Variants in PCSK5 observed in about 807,000 individuals in gnomAD.
PCSK5 encodes prohormone convertase 5.
In PCSK5, 129 loss-of-function variants were observed where a neutral mutation model predicts 233.2. That is an observed-to-expected ratio of 0.55 (90% CI 0.48 to 0.64). The LOEUF (loss-of-function observed/expected upper bound fraction) is 0.64. Ranked by LOEUF, PCSK5 falls within the 30% of genes least tolerant of loss-of-function variation. The pLI is 0.00. For missense variants in PCSK5, 2,076 were observed against 2,430.1 expected (o/e 0.85, Z 3.06); for synonymous variants, 825 against 879.2 (o/e 0.94, Z 1.09).
At chr9:75,994,486 G>A (rs563737899) in intron 3 of PCSK5, among the ~76,000 whole-genome samples, 7 of 128,984 alleles carry the variant, frequency 5.4e-5, no homozygotes, top group South Asian at 2.6e-4. Flanking sequence ...ATGCAGTGGC[G>A]CGATCTTAGC....
chr9:75,995,013 T>C (rs1266883845), intron 3 of PCSK5, among the ~76,000 whole-genome samples: 1 of 152,248 alleles, frequency 6.6e-6, no homozygotes, highest in Non-Finnish European at 1.5e-5. Flanking sequence ...TTTTTCTTCA[T>C]AGAACATACC....
At chr9:76,293,574 C>G (rs1780169691) in intron 25 of PCSK5, among the ~76,000 whole-genome samples, 1 of 152,184 alleles carries the variant, frequency 6.6e-6, no homozygotes, top group African/African-American at 2.4e-5. Flanking sequence ...CTCAGCCTCC[C>G]TAGTAGCTGG....
intron 3 of PCSK5, among the ~76,000 whole-genome samples, chr9:75,998,799 C>G (rs1187995932): frequency 6.6e-6 from 1 of 152,090 alleles, no homozygotes; most frequent in Non-Finnish European, 1.5e-5. Context: ...CATTTATTGC[C>G]CCCTTTACTC....
intron 2 of PCSK5, among the ~76,000 whole-genome samples, chr9:75,983,120 G>C (rs371145486): frequency 1.6e-4 from 25 of 151,774 alleles, no homozygotes; most frequent in African/African-American, 5.6e-4. Flanking sequence ...CTATTACATT[G>C]GTATATCTGT....
intron 5 of PCSK5, among the ~76,000 whole-genome samples, chr9:76,064,808 C>T (rs6560495): frequency 0.088 from 12,717 of 144,414 alleles, 653 homozygotes; most frequent in African/African-American, 0.14. Flanking sequence ...ACATCTCAGA[C>T]GATGGGCGGC....
intron 3 of PCSK5, 39 bp downstream of exon 3, chr9:75,986,284 TC>T (rs769519668): frequency 1.7e-6 from 2 of 1,182,574 alleles, no homozygotes; most frequent in South Asian, 2.4e-5. Context: ...GGCCATGTCA[TC>T]CGGTTTTGTG....
intron 10 of PCSK5, among the ~76,000 whole-genome samples, chr9:76,152,580 A>G (rs1296553181): frequency 3.3e-5 from 5 of 152,208 alleles, no homozygotes; most frequent in Admixed American, 1.3e-4. Context: ...GTTTTCAACC[A>G]GTCAATTCCT....
At chr9:76,141,884 A>T (rs1455482793) in intron 10 of PCSK5, among the ~76,000 whole-genome samples, 1 of 152,092 alleles carries the variant, frequency 6.6e-6, no homozygotes, top group Non-Finnish European at 1.5e-5. Context: ...AGGAACAGAA[A>T]ACCAAATACT....
chr9:76,046,160 G>GTTTTTTTTTTTTTTTT lies in PCSK5; in HGVS notation c.632+19143_632+19158dup, dbSNP rs71372041. ...GCATTAACACATAATTTTTTCTTTT[G>GTTTTTTTTTTTTTTTT]TTTTTTTTTTTTTTTTTTTTTTTTT... On this transcript the variant is annotated intron_variant, in intron 5 of 37. Coordinates refer to ENST00000674117, the MANE Select transcript of PCSK5 (RefSeq NM_001372043.1). Among the ~76,000 whole-genome samples, 26 of 58,038 alleles carry GTTTTTTTTTTTTTTTT rather than the reference G, an allele frequency of 4.5e-4. 8 individuals are homozygous for GTTTTTTTTTTTTTTTT. Among genetic ancestry groups the GTTTTTTTTTTTTTTTT allele is most frequent in the Admixed American group, 1.1e-3 (4 of 3,774 alleles). 38.1% of individuals were successfully genotyped at this position (58,038 alleles called of 152,430 possible).
Position 76,345,702 on chromosome 9 carries a change from G to A in PCSK5, c.4967-5126G>A, listed in dbSNP as rs542191518. 9.2e-5 allele frequency among the ~76,000 whole-genome samples: 14 copies of A among 151,830 alleles called. No individual in the cohort carries two copies. The South Asian group carries it at 2.7e-3, about 29-fold the overall frequency. ...CTCCCAAAGTGCTGGGATTACAGAC[G>A]TGAGCCACCGCGCCTGGCCTGTTTG... On this transcript the variant is annotated intron_variant, in intron 35 of 37. Transcript: ENST00000674117.
chr9:76,001,469 T>C (rs1340172179), intron 3 of PCSK5, among the ~76,000 whole-genome samples: 1 of 11,292 alleles, frequency 8.9e-5, no homozygotes, highest in East Asian at 2.3e-3. Context: ...CCATCATAGC[T>C]TTTTTTTTTT....
intron 24 of PCSK5, among the ~76,000 whole-genome samples, chr9:76,285,722 A>G (rs1828041375): frequency 6.6e-6 from 1 of 152,154 alleles, no homozygotes; most frequent in South Asian, 2.1e-4. Context: ...TCTGGCAGAT[A>G]TAGACATTCT....
intron 27 of PCSK5, 90 bp downstream of exon 27, chr9:76,296,955 G>T: frequency 1.2e-6 from 1 of 827,586 alleles, no homozygotes; most frequent in Non-Finnish European, 2.0e-6. Context: ...AGTTATCCAG[G>T]AGAGAAAGGC....
Position 76,355,695 on chromosome 9 carries a change from C to CTTTCTT in PCSK5, c.5254+1492_5254+1497dup, listed in dbSNP as rs568047186. Among the ~76,000 whole-genome samples, 491 of 151,818 alleles carry CTTTCTT rather than the reference C, an allele frequency of 3.2e-3. 3 individuals carry two copies. The highest frequency in any genetic ancestry group is 0.011 in the African/African-American group (471 of 41,440). On this transcript the variant is annotated intron_variant, in intron 37 of 37. Transcript: ENST00000674117. ...TGATTAGCATTTTCTTTCTTTCTTT[C>CTTTCTT]TTTCTTTTTCTTTTTCTTTTTTTGT...
At chr9:76,322,314 T>A (rs1829231542) in intron 31 of PCSK5, among the ~76,000 whole-genome samples, 1 of 152,100 alleles carries the variant, frequency 6.6e-6, no homozygotes, top group South Asian at 2.1e-4. Context: ...CAGAGGTAGC[T>A]AGAAAACTGC....
intron 9 of PCSK5, among the ~76,000 whole-genome samples, chr9:76,129,295 T>G (rs1587664792): frequency 6.6e-6 from 1 of 152,224 alleles, no homozygotes; most frequent in South Asian, 2.1e-4. Flanking sequence ...GAGACTAGTT[T>G]CATCTTGAAT....
intron 5 of PCSK5, among the ~76,000 whole-genome samples, chr9:76,031,783 G>C (rs145854149): frequency 6.6e-6 from 1 of 152,090 alleles, no homozygotes; most frequent in South Asian, 2.1e-4. Flanking sequence ...AATTACAGTT[G>C]TTATTATTAT....
intron 9 of PCSK5, among the ~76,000 whole-genome samples, chr9:76,129,538 T>G (rs1822670108): frequency 6.6e-6 from 1 of 152,146 alleles, no homozygotes; most frequent in South Asian, 2.1e-4. Flanking sequence ...TGAGGATGTA[T>G]TTGGGTGGTG....
At chr9:75,967,139 C>A (rs2131356722) in intron 2 of PCSK5, among the ~76,000 whole-genome samples, 1 of 151,912 alleles carries the variant, frequency 6.6e-6, no homozygotes, top group East Asian at 1.9e-4. Flanking sequence ...ACTTTAGGTT[C>A]AGGGGGTGAA....
Sources: allele counts gnomAD v4.1 joint callset (sites outside exome capture counted in the v4.1 genomes callset), GRCh38; gene constraint gnomAD v4.1.1; transcripts MANE v1.5; gene names NCBI Gene and HGNC (gene_info 2026-07-23, HGNC 2026-07-21).